RIMS1: variants seen among roughly 807,000 people sequenced by gnomAD.
RIMS1 encodes the protein regulating synaptic membrane exocytosis 1.
RIMS1 carries 83 observed loss-of-function variants against 214.1 expected under a neutral mutation model. The observed-to-expected ratio is 0.39, with a 90% CI of 0.32 to 0.47. The LOEUF (loss-of-function observed/expected upper bound fraction) is 0.47, where lower values mean the gene tolerates loss of function less well. Ranked by LOEUF, RIMS1 falls within the 20% of genes least tolerant of loss-of-function variation. RIMS1 has a pLI of 0.99. For synonymous variants in RIMS1, 793 were observed against 786.8 expected (o/e 1.01, Z -0.13); for missense variants, 2,050 against 2,161.8 (o/e 0.95, Z 1.03).
At chr6:71,929,115 C>T (rs557911471) in intron 1 of RIMS1, among the ~76,000 whole-genome samples, 6 of 152,218 alleles carry the variant, frequency 3.9e-5, no homozygotes, top group Admixed American at 6.6e-5. Flanking sequence ...CTGGGTTGCA[C>T]TGTCTATTTT....
intron 4 of RIMS1, among the ~76,000 whole-genome samples, chr6:72,171,117 T>C (rs1287295488): frequency 6.6e-6 from 1 of 152,096 alleles, no homozygotes; most frequent in Non-Finnish European, 1.5e-5. Flanking sequence ...GATTCAGTAT[T>C]CATTGCTGCC....
At chr6:71,966,669 A>AC (rs1253664407) in intron 1 of RIMS1, among the ~76,000 whole-genome samples, 1 of 151,998 alleles carries the variant, frequency 6.6e-6, no homozygotes, top group Non-Finnish European at 1.5e-5. Flanking sequence ...CTACAGGCAT[A>AC]CCCCACACAC....
At chr6:71,933,385 C>A (rs1285286713) in intron 1 of RIMS1, among the ~76,000 whole-genome samples, 1 of 151,900 alleles carries the variant, frequency 6.6e-6, no homozygotes, top group Non-Finnish European at 1.5e-5. Context: ...ATCTTTGTAT[C>A]ACAGAGTCAA....
intron 29 of RIMS1, among the ~76,000 whole-genome samples, chr6:72,387,703 G>A (rs2098637328): frequency 1.3e-5 from 2 of 152,172 alleles, no homozygotes; most frequent in South Asian, 4.2e-4. Context: ...TAGGTAAGTG[G>A]GAACATCCAT....
chr6:71,911,765 G>A (rs1001228959), intron 1 of RIMS1, among the ~76,000 whole-genome samples: 1 of 152,064 alleles, frequency 6.6e-6, no homozygotes, highest in Admixed American at 6.6e-5. Flanking sequence ...ACATCTGTTG[G>A]TGCTTTCAAA....
At chr6:72,076,675 G>A (rs1441370255) in intron 2 of RIMS1, among the ~76,000 whole-genome samples, 2 of 152,084 alleles carry the variant, frequency 1.3e-5, no homozygotes, top group African/African-American at 4.8e-5. Flanking sequence ...AATAAAGTGC[G>A]CTCCAGAGAC....
intron 4 of RIMS1, among the ~76,000 whole-genome samples, chr6:72,124,126 G>A (rs962735723): frequency 8.6e-5 from 13 of 151,822 alleles, no homozygotes; most frequent in Admixed American, 1.3e-4. Flanking sequence ...GTTCCTTTCC[G>A]TGTTTAGTGC....
At chr6:72,236,536 G>A (rs2064134810) in intron 8 of RIMS1, among the ~76,000 whole-genome samples, 1 of 152,120 alleles carries the variant, frequency 6.6e-6, no homozygotes, top group South Asian at 2.1e-4. Context: ...TGGTACACAT[G>A]AATTTGGATG....
Position 72,034,781 on chromosome 6 carries a change from G to A in RIMS1, c.246-62168G>A, listed in dbSNP as rs543738796. ...ACGAGTTAGGTTAATAAACTGAGAC[G>A]GATCCCAAGTCTTCCAGCTCTCAGT... On this transcript the variant is annotated intron_variant, in intron 2 of 33. Transcript: ENST00000521978. Among the ~76,000 whole-genome samples the A allele has an allele frequency of 4.6e-5, 7 of 152,064 alleles. No homozygotes were observed. In the East Asian group the frequency reaches 5.8e-4, roughly 13 times the overall value.
intron 31 of RIMS1, among the ~76,000 whole-genome samples, chr6:72,396,013 T>C (rs1426800491): frequency 6.6e-6 from 1 of 151,810 alleles, no homozygotes; most frequent in African/African-American, 2.4e-5. Context: ...CCAGAGACCC[T>C]CATGAACCCC....
rs138548921 is a variant in RIMS1 at position 71,971,879 on chromosome 6, G to A, written c.245+2816G>A. ...GGGAATTCAAGATGAGATTTGGGTTGGGAACACACCCAAACCATATCAGAT... is the reference window on the plus strand; with the variant it reads ...GGGAATTCAAGATGAGATTTGGGTTAGGAACACACCCAAACCATATCAGAT... On this transcript the variant is annotated intron_variant, in intron 2 of 33. Transcript: ENST00000521978. Among the ~76,000 whole-genome samples the A allele has an allele frequency of 2.2e-3, 330 of 152,220 alleles. 2 individuals are homozygous for A. The highest frequency in any genetic ancestry group is 7.5e-3 in the African/African-American group (312 of 41,528).
chr6:72,360,962 A>G (rs915595954), intron 29 of RIMS1, among the ~76,000 whole-genome samples: 3 of 149,714 alleles, frequency 2.0e-5, no homozygotes, highest in African/African-American at 7.3e-5. Context: ...TTATTTGGAA[A>G]CCTTCATATT....
chr6:72,390,477 A>G (rs1596145660), intron 29 of RIMS1, 121 bp from the exon 30 acceptor site: 1 of 1,171,110 alleles, frequency 8.5e-7, no homozygotes, highest in East Asian at 2.6e-5. Flanking sequence ...TTAGGTTACT[A>G]TTTTTCTGAT....
chr6:72,155,177 T>C (rs2044273312), intron 4 of RIMS1, among the ~76,000 whole-genome samples: 1 of 140,898 alleles, frequency 7.1e-6, no homozygotes, highest in African/African-American at 2.5e-5. Flanking sequence ...CGTGAAGTCC[T>C]CTAACATGCC....
intron 16 of RIMS1, 128 bp downstream of exon 16, chr6:72,252,960 C>G: frequency 4.6e-6 from 3 of 645,602 alleles, no homozygotes; most frequent in Non-Finnish European, 8.1e-6. Context: ...TTATATTATT[C>G]CATGGTGACT....
At chr6:71,981,034 A>G (rs1406837397) in intron 2 of RIMS1, among the ~76,000 whole-genome samples, 1 of 152,132 alleles carries the variant, frequency 6.6e-6, no homozygotes, top group Non-Finnish European at 1.5e-5. Flanking sequence ...CACAGTGGAG[A>G]GAATCATTCC....
intron 19 of RIMS1, chr6:72,263,984 ACT>A (rs2079270056): frequency 3.4e-6 from 2 of 584,880 alleles, no homozygotes; most frequent in South Asian, 7.6e-5. Flanking sequence ...CAAGAGTGAG[ACT>A]CTGTCTCAAA....
chr6:72,051,107 C>A (rs759544273), intron 2 of RIMS1, among the ~76,000 whole-genome samples: 3 of 152,154 alleles, frequency 2.0e-5, no homozygotes, highest in Non-Finnish European at 4.4e-5. Flanking sequence ...TTCAGTACCT[C>A]TTCCAAAAGA....
chr6:72,003,866 C>CT (rs142305709), intron 2 of RIMS1, among the ~76,000 whole-genome samples: 1 of 150,296 alleles, frequency 6.7e-6, no homozygotes, highest in African/African-American at 2.4e-5. Context: ...ATTTTCCTTT[C>CT]TTTTTTTTAA....
Sources: gnomAD v4.1 joint callset for allele counts (sites outside exome capture counted in the v4.1 genomes callset) on GRCh38, gnomAD v4.1.1 for gene constraint, MANE v1.5 for transcripts, NCBI Gene and HGNC (gene_info 2026-07-23, HGNC 2026-07-21) for gene names.